ANKS1A: variants seen among roughly 807,000 people sequenced by gnomAD.
The protein encoded by ANKS1A is ankyrin repeat and sterile alpha motif domain containing 1A.
A neutral mutation model predicts 120.3 loss-of-function variants in ANKS1A; 55 were observed. That is an observed-to-expected ratio of 0.46 (90% CI 0.37 to 0.57). ANKS1A has a LOEUF of 0.57. ANKS1A is among the 20% of genes least tolerant of loss of function. ANKS1A has a pLI of 0.00. For missense variants in ANKS1A, 1,123 were observed against 1,480.3 expected, an observed-to-expected ratio of 0.76 and a Z score of 3.96; for synonymous variants, 590 against 604.7, an observed-to-expected ratio of 0.98 and a Z score of 0.36.
intron 11 of ANKS1A, chr6:35,023,483 A>G: frequency 8.0e-6 from 2 of 250,584 alleles, no homozygotes; most frequent in South Asian, 9.0e-5. Context: ...GAAATTCATC[A>G]TTTAACTGGA....
intron 10 of ANKS1A, among the ~76,000 whole-genome samples, chr6:35,006,910 A>G (rs1773489990): frequency 6.6e-6 from 1 of 152,220 alleles, no homozygotes; most frequent in Admixed American, 6.5e-5. Flanking sequence ...TTAGGGATGC[A>G]GAGACGGGAG....
Position 35,082,905 on chromosome 6 carries a change from A to C in ANKS1A, c.2835+89A>C, listed in dbSNP as rs1777767488. On this transcript the variant is annotated intron_variant, in intron 18 of 23. Transcript: ENST00000360359. This position sits in a 1 kb window ranked among gnomAD's most constrained non-coding sequence, Gnocchi z 4.1. ...GGCCAAGTCCCAGCAGGGACTCCAC[A>C]AAGCCAGGCCCAGGGCTTTTGAGCT... 6.5e-7 allele frequency: 1 copy of C among 1,543,014 alleles called. No homozygotes were observed. Among genetic ancestry groups the C allele is most frequent in the Admixed American group, 1.9e-5 (1 of 51,438 alleles).
At chr6:34,980,283 C>T (rs1384170146) in intron 3 of ANKS1A, among the ~76,000 whole-genome samples, 2 of 152,264 alleles carry the variant, frequency 1.3e-5, no homozygotes, top group African/African-American at 4.8e-5. Context: ...TCTGCATCCT[C>T]TGTTTATTTG....
intron 1 of ANKS1A, among the ~76,000 whole-genome samples, chr6:34,924,090 CGTGTGTGT>C (rs71794086): frequency 0.011 from 1,641 of 143,246 alleles, 28 homozygotes; most frequent in African/African-American, 0.038. Context: ...GGGGCTTTTT[CGTGTGTGT>C]GTGTGTGTGT....
rs758686732 is a variant in ANKS1A at position 35,081,142 on chromosome 6, A to C, written c.2693A>C (p.Glu898Ala). ...LHDPAAPSRA[E>A]RFRIQEEHRE... is the part of the protein sequence containing the mutation. ...GACCCTGCGGCACCCTCCCGAGCGG[A>C]GCGCTTCAGGATCCAGGTGGGGCAG... The change falls in exon 17 of 24, where the codon GAG (glutamate) becomes GCG (alanine). Residue 898 changes from glutamate to alanine, a missense_variant. By Grantham distance (107) the Glu-to-Ala change is moderately radical (BLOSUM62 -1). Around this residue, in one of 3 missense-constraint regions of ANKS1A, gnomAD observed 904 missense variants for 1,130.4 expected, o/e 0.80. Coordinates refer to ENST00000360359, the MANE Select transcript of ANKS1A (RefSeq NM_015245.3). 1.1e-5 allele frequency: 18 copies of C among 1,610,814 alleles called. No homozygotes were observed. The highest frequency in any genetic ancestry group is 1.5e-5 in the Non-Finnish European group (18 of 1,178,746).
intron 3 of ANKS1A, among the ~76,000 whole-genome samples, chr6:34,975,279 C>T (rs1229872200): frequency 1.3e-5 from 2 of 151,742 alleles, no homozygotes. Flanking sequence ...CATGGCAAAA[C>T]CCCATCTCCA....
chr6:34,922,416 C>T (rs1768483435), intron 1 of ANKS1A, among the ~76,000 whole-genome samples: 1 of 152,152 alleles, frequency 6.6e-6, no homozygotes, highest in East Asian at 1.9e-4. Context: ...ATTTTGTAAA[C>T]CTACCAATTC....
chr6:35,030,739 G>T (rs1162253765), intron 11 of ANKS1A, among the ~76,000 whole-genome samples: 1 of 152,146 alleles, frequency 6.6e-6, no homozygotes, highest in Non-Finnish European at 1.5e-5. Flanking sequence ...GGTAGGTCAT[G>T]CATGCAGTCC....
chr6:34,936,761 C>G (rs1015412539), intron 1 of ANKS1A, among the ~76,000 whole-genome samples: 2 of 152,212 alleles, frequency 1.3e-5, no homozygotes, highest in African/African-American at 4.8e-5. Flanking sequence ...TGAATGGCCC[C>G]TTTGCTGATA....
At chr6:35,048,284 G>A (rs746442255) in intron 11 of ANKS1A, among the ~76,000 whole-genome samples, 4 of 152,176 alleles carry the variant, frequency 2.6e-5, no homozygotes, top group Non-Finnish European at 5.9e-5. Flanking sequence ...GAAGTAGGGG[G>A]ACACAGCAAT....
At chr6:35,088,157 C>G (rs1778095157) in intron 23 of ANKS1A, among the ~76,000 whole-genome samples, 1 of 152,238 alleles carries the variant, frequency 6.6e-6, no homozygotes, top group Non-Finnish European at 1.5e-5. Flanking sequence ...CCCTCAGCCT[C>G]CTGACTCCTC....
At position 35,026,058 on chromosome 6, in the gene ANKS1A, G is replaced by A. The variant is rs931465756; in HGVS notation, c.2010+7999G>A. ...AAAGCTTGGGTGACAATGAATGTAG[G>A]TGACTATAGATGAGAGGAATTTGAC... is the stretch of plus-strand genomic sequence containing the variant. On this transcript the variant is annotated intron_variant, in intron 11 of 23. Transcript: ENST00000360359. Among the ~76,000 whole-genome samples the A allele has an allele frequency of 7.2e-5, 11 of 152,290 alleles. 1 individual carries two copies. Among genetic ancestry groups the A allele is most frequent in the Non-Finnish European group, 2.9e-5 (2 of 68,026 alleles).
At chr6:34,979,808 A>G (rs1771809542) in intron 3 of ANKS1A, among the ~76,000 whole-genome samples, 1 of 152,196 alleles carries the variant, frequency 6.6e-6, no homozygotes, top group African/African-American at 2.4e-5. Context: ...TATCACACTC[A>G]TCTTGAGATG....
At chr6:34,958,080 A>T (rs1355548241) in intron 1 of ANKS1A, among the ~76,000 whole-genome samples, 1 of 152,178 alleles carries the variant, frequency 6.6e-6, no homozygotes, top group African/African-American at 2.4e-5. Context: ...ACATAGGATT[A>T]TGGGTTCCAG....
rs1367778766 is a variant in ANKS1A at position 35,079,880 on chromosome 6, A to G, written c.2496A>G (p.Arg832=). ...GCATCATCGCCTCCCTCGCAGACAGACCGTACGAGGAGCCGCCCCAGAAGC... is the reference window on the plus strand; with the variant it reads ...GCATCATCGCCTCCCTCGCAGACAGGCCGTACGAGGAGCCGCCCCAGAAGC... ...RKRIIASLAD[R]PYEEPPQKPP... is the part of the protein sequence containing the mutation. Residue 832 remains arginine (R), a synonymous_variant, in exon 16 of 24, where the codon AGA becomes AGG. Transcript: ENST00000360359. 3 of 1,564,520 alleles carry G rather than the reference A, an allele frequency of 1.9e-6. No individual in the cohort carries two copies.
Position 35,082,377 on chromosome 6 carries a change from C to A in ANKS1A, c.2710-314C>A, listed in dbSNP as rs540623016. 6.6e-6 allele frequency among the ~76,000 whole-genome samples: 1 copy of A among 152,238 alleles called. No homozygotes were observed. Among genetic ancestry groups the A allele is most frequent in the East Asian group, 1.9e-4 (1 of 5,164 alleles). On this transcript the variant is annotated intron_variant, in intron 17 of 23. Transcript: ENST00000360359. The surrounding 1 kb of genome is among the most constrained non-coding windows in gnomAD (Gnocchi z 4.1). ...AGAACAGCCTGGCAGCCTGTGCCCC[C>A]CACACAGACTCTGCCATCTCCTCTC...
intron 3 of ANKS1A, among the ~76,000 whole-genome samples, chr6:34,973,840 T>TCCCTTC (rs1771306656): frequency 8.7e-6 from 1 of 115,526 alleles, no homozygotes; most frequent in South Asian, 3.1e-4. Context: ...TCCTTCCCCT[T>TCCCTTC]CCCTTCCCCT....
chr6:35,022,176 CATTTGAGAA>C (rs754978177), intron 11 of ANKS1A, among the ~76,000 whole-genome samples: 55 of 152,310 alleles, frequency 3.6e-4, no homozygotes, highest in Non-Finnish European at 6.5e-4. Context: ...CCACTGTTCT[CATTTGAGAA>C]ATTAATGAGC....
intron 14 of ANKS1A, among the ~76,000 whole-genome samples, chr6:35,078,886 G>C (rs955190791): frequency 6.6e-6 from 1 of 152,230 alleles, no homozygotes; most frequent in Non-Finnish European, 1.5e-5. Flanking sequence ...CAGGGAGCAG[G>C]CTCCTCTGGG....
Sources: gnomAD v4.1 joint callset for allele counts (sites outside exome capture counted in the v4.1 genomes callset) on GRCh38, gnomAD v4.1.1 for gene constraint, gnomAD v4.1.1 regional missense constraint, Gnocchi (gnomAD v3.1) non-coding constraint, MANE v1.5 for transcripts, NCBI Gene and HGNC (gene_info 2026-07-23, HGNC 2026-07-21) for gene names.